The following CDC42 variants were observed in gnomAD, a reference collection of about 807,000 sequenced individuals.
The protein encoded by CDC42 is cell division control protein 42 homolog.
Under a neutral mutation model 20.8 loss-of-function variants are expected in CDC42, and 1 was observed. The observed-to-expected ratio is 0.05, with a 90% confidence interval of 0.02 to 0.23. CDC42 has a LOEUF of 0.23. Ranked by LOEUF, CDC42 falls within the 10% of genes least tolerant of loss-of-function variation. The pLI, the probability that CDC42 is intolerant of heterozygous loss-of-function variation, is 1.00. For synonymous variants in CDC42, 72 were observed against 84.8 expected, an observed-to-expected ratio of 0.85 and a Z score of 0.83; for missense variants, 49 against 227.9, an observed-to-expected ratio of 0.21 and a Z score of 5.05.
Position 22,098,318 on chromosome 1 carries a change from T to A in CDC42, c.*6801T>A, listed in dbSNP as rs2124068818. ...AAATGCAGTTCGGGTTCCTGGTTGG[T>A]GAACAATTAGATGGGAAGGCTGAAA... On this transcript the variant is annotated 3_prime_UTR_variant, in exon 6 of 6. Transcript: ENST00000656825. Among the ~76,000 whole-genome samples the A allele has an allele frequency of 6.6e-6, 1 of 151,484 alleles. No homozygotes were observed. The highest frequency in any genetic ancestry group is 1.5e-5 in the Non-Finnish European group (1 of 67,856).
intron 1 of CDC42, among the ~76,000 whole-genome samples, chr1:22,067,175 A>G (rs191291360): frequency 6.6e-6 from 1 of 152,310 alleles, no homozygotes; most frequent in East Asian, 1.9e-4. Context: ...TAGTCCGTTT[A>G]GGCTTCTTTA....
At chr1:22,069,244 C>T (rs184982591) in intron 1 of CDC42, among the ~76,000 whole-genome samples, 10 of 142,916 alleles carry the variant, frequency 7.0e-5, no homozygotes, top group East Asian at 2.1e-4. Context: ...GGCACAATCA[C>T]GGCTCATTGC....
intron 1 of CDC42, among the ~76,000 whole-genome samples, chr1:22,057,812 C>T (rs534642790): frequency 7.2e-5 from 11 of 152,096 alleles, no homozygotes; most frequent in African/African-American, 2.7e-4. Context: ...CAACCTCTGC[C>T]TCCCGGGTTC....
rs17837959 is a variant in CDC42 at position 22,064,926 on chromosome 1, C to A, written c.-51+12184C>A. Among the ~76,000 whole-genome samples, 522 of 152,258 alleles carry A rather than the reference C, an allele frequency of 3.4e-3. 1 individual carries two copies. Among genetic ancestry groups the A allele is most frequent in the African/African-American group, 0.012 (491 of 41,560 alleles). On this transcript the variant is annotated intron_variant, in intron 1 of 5. Transcript: ENST00000656825. ...TTGACCTCAGGTGATCCACCCACCTCGGCATTCTGGGATTACAGGCGTGCA... is the reference window on the plus strand; with the variant it reads ...TTGACCTCAGGTGATCCACCCACCTAGGCATTCTGGGATTACAGGCGTGCA...
At chr1:22,071,479 T>C (rs1413214513) in intron 1 of CDC42, among the ~76,000 whole-genome samples, 1 of 152,214 alleles carries the variant, frequency 6.6e-6, no homozygotes, top group Non-Finnish European at 1.5e-5. Flanking sequence ...TGTGAATGCA[T>C]GGAATACATT....
intron 1 of CDC42, among the ~76,000 whole-genome samples, chr1:22,058,870 C>T (rs567723205): frequency 1.4e-4 from 22 of 151,990 alleles, no homozygotes; most frequent in African/African-American, 5.1e-4. Context: ...GGCTGCAGTG[C>T]GTGGTGTGAT....
intron 1 of CDC42, among the ~76,000 whole-genome samples, chr1:22,066,313 T>G (rs1184715180): frequency 6.6e-6 from 1 of 151,844 alleles, no homozygotes; most frequent in Non-Finnish European, 1.5e-5. Flanking sequence ...AGGCAGACGT[T>G]GCAGTAAGCT....
At chr1:22,085,265 A>G (rs1484062217) in intron 3 of CDC42, among the ~76,000 whole-genome samples, 2 of 144,000 alleles carry the variant, frequency 1.4e-5, no homozygotes, top group Non-Finnish European at 3.0e-5. Flanking sequence ...TCATTTGCCC[A>G]CATATGTAAG....
intron 1 of CDC42, among the ~76,000 whole-genome samples, chr1:22,072,091 CTTTTTTTT>C (rs55929932): frequency 4.2e-5 from 3 of 70,810 alleles, no homozygotes; most frequent in African/African-American, 6.0e-5. Context: ...TTTTACTTAC[CTTTTTTTT>C]TTTTTTTTTT....
At position 22,069,170 on chromosome 1, in the gene CDC42, C is replaced by CT. The variant is rs71724070; in HGVS notation, c.-50-9235dup. ...TCTTATTGTAATCTCCATTTTATTC[C>CT]TTTTTTTTTTTTTTTTTTTTTTTTG... On this transcript the variant is annotated intron_variant, in intron 1 of 5. Transcript: ENST00000656825. Among the ~76,000 whole-genome samples the CT allele has an allele frequency of 7.3e-3, 590 of 80,796 alleles. 5 individuals are homozygous for CT. The highest frequency in any genetic ancestry group is 0.015 in the Middle Eastern group (2 of 130). The allele number at this position is 80,796 out of a possible 152,430, so 53.0% of individuals were successfully genotyped here.
rs146441228 is a variant in CDC42 at position 22,087,681 on chromosome 1, A to C, written c.486+815A>C. On this transcript the variant is annotated intron_variant, in intron 5 of 5. Transcript: ENST00000656825. ...CTGGTGCTTTGAAGTTTGAACACTG[A>C]GCAGACATGCCTAATAGGGCAAGAT... is the stretch of plus-strand genomic sequence containing the variant. 5.5e-3 allele frequency among the ~76,000 whole-genome samples: 841 copies of C among 152,324 alleles called. 15 individuals carry two copies. The highest frequency in any genetic ancestry group is 0.019 in the African/African-American group (805 of 41,572).
intron 1 of CDC42, among the ~76,000 whole-genome samples, chr1:22,061,281 G>T (rs1249116051): frequency 6.6e-6 from 1 of 151,924 alleles, no homozygotes; most frequent in South Asian, 2.1e-4. Flanking sequence ...GGTGGCATGT[G>T]CCTGTAATCC....
At chr1:22,071,046 C>CTTT (rs10684040) in intron 1 of CDC42, among the ~76,000 whole-genome samples, 16,539 of 125,210 alleles carry the variant, frequency 0.13, 1,778 homozygotes, top group Admixed American at 0.16. Context: ...TTTTTTCTTT[C>CTTT]TTTTTTTTTT....
In CDC42 at chr1:22,096,120, C is replaced by G. The variant is rs189929068; in HGVS notation, c.*4603C>G. Among the ~76,000 whole-genome samples the G allele has an allele frequency of 6.6e-6, 1 of 151,886 alleles. No homozygotes were observed. Among genetic ancestry groups the G allele is most frequent in the Admixed American group, 6.6e-5 (1 of 15,252 alleles). ...GATTACAGGTGTCTGCCACTGCGCC[C>G]GGCTAATTTTTTGTATTTTTAAGGG... On this transcript the variant is annotated 3_prime_UTR_variant, in exon 6 of 6. Transcript: ENST00000656825.
At chr1:22,088,775 C>G (rs761266259) in intron 5 of CDC42, among the ~76,000 whole-genome samples, 1 of 152,010 alleles carries the variant, frequency 6.6e-6, no homozygotes, top group Non-Finnish European at 1.5e-5. Flanking sequence ...TCCTTCCTTC[C>G]TTTTATATTT....
At chr1:22,077,646 C>T (rs1016494) in intron 1 of CDC42, among the ~76,000 whole-genome samples, 1 of 152,154 alleles carries the variant, frequency 6.6e-6, no homozygotes, top group Admixed American at 6.5e-5. Context: ...GATAATGATT[C>T]TAAGAGACTC....
rs1645778427 is a variant in CDC42, at chr1:22,099,791, T to G, written c.*8274T>G. On this transcript the variant is annotated 3_prime_UTR_variant, in exon 6 of 6. Coordinates refer to ENST00000656825, the MANE Select transcript of CDC42 (RefSeq NM_001791.4). ...GTCCTTCTTAAAATTTGAGTGTTTA[T>G]TCTCTACATGGCACTCTTTTAAGCC... Among the ~76,000 whole-genome samples, 1 of 152,166 alleles carries G rather than the reference T, an allele frequency of 6.6e-6. No individual in the cohort carries two copies. The highest frequency in any genetic ancestry group is 2.1e-4 in the South Asian group (1 of 4,828).
rs577858290 is a variant in CDC42 at position 22,090,269 on chromosome 1, T to G, written c.487-1159T>G. On this transcript the variant is annotated intron_variant, in intron 5 of 5. Coordinates refer to ENST00000656825, the MANE Select transcript of CDC42 (RefSeq NM_001791.4). ...TTCTGCTGCTTGAGTTGCCTGATGC[T>G]CAGAGCTTTTTGGTTTGGATTACTA... is the stretch of plus-strand genomic sequence containing the variant. The G allele has an allele frequency of 3.3e-6, 4 of 1,195,568 alleles. No homozygotes were observed. The East Asian group carries it at 1.5e-4, about 45-fold the overall frequency. 74.1% of individuals were successfully genotyped at this position (1,195,568 alleles called of 1,614,324 possible). A position where few individuals can be genotyped will look rare whatever the true frequency, so the allele number is the denominator to read the frequency against.
intron 1 of CDC42, among the ~76,000 whole-genome samples, chr1:22,069,907 C>A (rs1645466623): frequency 6.6e-6 from 1 of 152,092 alleles, no homozygotes; most frequent in African/African-American, 2.4e-5. Flanking sequence ...TGATCTTCAG[C>A]CTCCCAAGTA....
Sources: gnomAD v4.1 joint callset for allele counts (sites outside exome capture counted in the v4.1 genomes callset) on GRCh38, gnomAD v4.1.1 for gene constraint, MANE v1.5 for transcripts, NCBI Gene and HGNC (gene_info 2026-07-23, HGNC 2026-07-21) for gene names.